The following DPP10 variants were observed in gnomAD, a reference collection of about 807,000 sequenced individuals.
The protein encoded by DPP10 is dipeptidyl peptidase like 10, also known as inactive dipeptidyl peptidase 10.
A neutral mutation model predicts 120.9 loss-of-function variants in DPP10; 33 were observed. That is an observed-to-expected ratio of 0.27 (90% CI 0.21 to 0.37). The LOEUF is 0.37. Among genes scored for constraint, DPP10 ranks in the 10% least tolerant of loss-of-function variants. The pLI is 1.00. For synonymous variants in DPP10, 337 were observed against 326.1 expected (o/e 1.03, Z -0.36); for missense variants, 816 against 942.8 (o/e 0.87, Z 1.76).
At chr2:115,205,215 G>A (rs1345176814) in intron 1 of DPP10, among the ~76,000 whole-genome samples, 3 of 152,008 alleles carry the variant, frequency 2.0e-5, no homozygotes, top group Non-Finnish European at 4.4e-5. Flanking sequence ...TATAATTTTT[G>A]TAGTTTTAGG....
chr2:115,757,283 C>T (rs1021995954), intron 11 of DPP10, among the ~76,000 whole-genome samples: 1 of 151,906 alleles, frequency 6.6e-6, no homozygotes, highest in Non-Finnish European at 1.5e-5. Flanking sequence ...GTGTAATAGT[C>T]TGTTTTCATG....
chr2:115,761,096 CAAAAAAAAAAAAA>C (rs34165193), intron 11 of DPP10, among the ~76,000 whole-genome samples: 2 of 90,270 alleles, frequency 2.2e-5, no homozygotes, highest in Non-Finnish European at 4.5e-5. Flanking sequence ...GACTTTGTCT[CAAAAAAAAAAAAA>C]AAAAAAAAGG....
rs539721729 is a variant in DPP10, at chr2:115,712,434, G to T, written c.577-15382G>T. On this transcript the variant is annotated intron_variant, in intron 7 of 25. Transcript: ENST00000410059. ...CCCAGTTCTTAACAGGCCACAGACT[G>T]GTCCATGGCCTGGGGGTTAGGGACC... Among the ~76,000 whole-genome samples, 85 of 150,056 alleles carry T rather than the reference G, an allele frequency of 5.7e-4. 1 individual carries two copies. The highest frequency in any genetic ancestry group is 2.0e-3 in the African/African-American group (82 of 40,888).
intron 1 of DPP10, among the ~76,000 whole-genome samples, chr2:114,914,504 A>T (rs1489956252): frequency 1.3e-5 from 2 of 152,192 alleles, no homozygotes; most frequent in Non-Finnish European, 2.9e-5. Flanking sequence ...GAATAAGCAC[A>T]TGCTTACGGA....
intron 1 of DPP10, among the ~76,000 whole-genome samples, chr2:114,929,456 C>T (rs934061099): frequency 6.6e-6 from 1 of 152,156 alleles, no homozygotes; most frequent in Non-Finnish European, 1.5e-5. Flanking sequence ...CCCAGAGTGT[C>T]CATTTAGAGG....
chr2:114,630,964 G>A (rs867173316), intron 1 of DPP10, among the ~76,000 whole-genome samples: 9 of 152,036 alleles, frequency 5.9e-5, no homozygotes, highest in Admixed American at 6.6e-5. Flanking sequence ...TGTTGCATTG[G>A]TATCTAGTTG....
At chr2:114,585,010 C>T (rs1259812098) in intron 1 of DPP10, among the ~76,000 whole-genome samples, 11 of 152,142 alleles carry the variant, frequency 7.2e-5, no homozygotes, top group Non-Finnish European at 1.6e-4. Context: ...CTTGTGTTAG[C>T]TTTTTATTTT....
intron 3 of DPP10, among the ~76,000 whole-genome samples, chr2:115,469,562 T>G (rs2105155952): frequency 6.6e-6 from 1 of 152,302 alleles, no homozygotes; most frequent in Middle Eastern, 3.4e-3. Flanking sequence ...GATTACAGAT[T>G]GAAATTACTT....
At chr2:115,361,556 T>A (rs996116604) in intron 3 of DPP10, among the ~76,000 whole-genome samples, 2 of 152,068 alleles carry the variant, frequency 1.3e-5, no homozygotes, top group African/African-American at 2.4e-5. Context: ...TCTGAGTTCT[T>A]CTCAGATTTG....
rs1486593106 is a variant in DPP10, at chr2:115,264,073, A to C, written c.61-45166A>C. Among the ~76,000 whole-genome samples, 2 of 152,210 alleles carry C rather than the reference A, an allele frequency of 1.3e-5. 1 individual carries two copies. The highest frequency in any genetic ancestry group is 1.3e-4 in the Admixed American group (2 of 15,284). ...CTCAATAGAATTATTCACTAAGAAG[A>C]AGGAAATTATGTTGAAAACTTAAAC... On this transcript the variant is annotated intron_variant, in intron 1 of 25. Coordinates refer to ENST00000410059, the MANE Select transcript of DPP10 (RefSeq NM_020868.6).
At chr2:115,391,390 A>C (rs1267086797) in intron 3 of DPP10, among the ~76,000 whole-genome samples, 3 of 152,174 alleles carry the variant, frequency 2.0e-5, no homozygotes, top group Non-Finnish European at 4.4e-5. Flanking sequence ...GGTAGCTAAA[A>C]CAGTGCACAT....
chr2:114,849,723 A>G (rs867339153), intron 1 of DPP10, among the ~76,000 whole-genome samples: 3 of 152,166 alleles, frequency 2.0e-5, no homozygotes, highest in African/African-American at 7.2e-5. Context: ...TCCATAGAAA[A>G]GTGGATATCA....
chr2:114,543,830 T>G (rs1165584986), intron 1 of DPP10, among the ~76,000 whole-genome samples: 1 of 152,118 alleles, frequency 6.6e-6, no homozygotes, highest in Non-Finnish European at 1.5e-5. Flanking sequence ...TCTACTAGAC[T>G]TTTGGCCTAT....
intron 3 of DPP10, among the ~76,000 whole-genome samples, chr2:115,487,462 T>C (rs2075847353): frequency 3.7e-5 from 1 of 26,836 alleles, no homozygotes; most frequent in Non-Finnish European, 6.6e-5. Context: ...GGCATCACAC[T>C]ACCTGACTTC....
At chr2:115,152,892 G>A (rs2051653728) in intron 1 of DPP10, among the ~76,000 whole-genome samples, 1 of 152,152 alleles carries the variant, frequency 6.6e-6, no homozygotes, top group Non-Finnish European at 1.5e-5. Flanking sequence ...ACATGAGACT[G>A]AGGGTCAGAG....
intron 1 of DPP10, among the ~76,000 whole-genome samples, chr2:114,944,164 G>A (rs1697181075): frequency 6.6e-6 from 1 of 152,104 alleles, no homozygotes; most frequent in African/African-American, 2.4e-5. Context: ...GACTGAAAAT[G>A]TTCTTTCCCT....
intron 3 of DPP10, among the ~76,000 whole-genome samples, chr2:115,395,573 G>A (rs906152466): frequency 6.6e-6 from 1 of 152,106 alleles, no homozygotes; most frequent in African/African-American, 2.4e-5. Context: ...AATGTATGCT[G>A]CTCTTTGAAG....
rs188972912 is a variant in DPP10 at position 114,923,628 on chromosome 2, G to A, written c.61-385611G>A. 5.8e-3 allele frequency among the ~76,000 whole-genome samples: 881 copies of A among 151,616 alleles called. 9 individuals carry two copies. Among genetic ancestry groups the A allele is most frequent in the African/African-American group, 0.02 (837 of 41,382 alleles). The stretch of plus-strand genomic sequence containing the variant: ...TGAGTAGCTAGGACTACAGGCGCCC[G>A]CCACCACGCCTGGCTAATTTTTTGT... On this transcript the variant is annotated intron_variant, in intron 1 of 25. Coordinates refer to ENST00000410059, the MANE Select transcript of DPP10 (RefSeq NM_020868.6).
intron 24 of DPP10, 46 bp from the exon 25 acceptor site, chr2:115,840,704 T>C (rs755175759): frequency 4.6e-5 from 71 of 1,556,656 alleles, no homozygotes; most frequent in Non-Finnish European, 6.3e-5. Context: ...AAAGTTCTCA[T>C]ACAAGCAGTG....
Sources: gnomAD v4.1 joint callset for allele counts (sites outside exome capture counted in the v4.1 genomes callset) on GRCh38, gnomAD v4.1.1 for gene constraint, MANE v1.5 for transcripts, NCBI Gene and HGNC (gene_info 2026-07-23, HGNC 2026-07-21) for gene names.